The following PTPRG variants were observed in gnomAD, a reference collection of about 807,000 sequenced individuals.
The protein encoded by PTPRG is protein tyrosine phosphatase receptor type G, also known as receptor-type tyrosine-protein phosphatase gamma.
PTPRG carries 102 observed loss-of-function variants against 165.3 expected under a neutral mutation model. The ratio of observed to expected loss-of-function variants is 0.62; its 90% CI spans 0.53 to 0.73. The LOEUF (loss-of-function observed/expected upper bound fraction) is 0.73, where lower values mean the gene tolerates loss of function less well. Among genes scored for constraint, PTPRG ranks in the 30% least tolerant of loss-of-function variants. The pLI, the probability that PTPRG is intolerant of heterozygous loss-of-function variation, is 0.00. For synonymous variants in PTPRG, 675 were observed against 669.5 expected (o/e 1.01, Z -0.13); for missense variants, 1,866 against 1,861.4 (o/e 1.00, Z -0.05).
chr3:61,803,601 AT>A (rs895135527), intron 2 of PTPRG, among the ~76,000 whole-genome samples: 4 of 146,122 alleles, frequency 2.7e-5, no homozygotes, highest in East Asian at 1.9e-4. Context: ...TTGATGAGTT[AT>A]TTTTTCCCCC....
intron 4 of PTPRG, among the ~76,000 whole-genome samples, chr3:62,053,174 A>T (rs894985941): frequency 6.6e-6 from 1 of 151,848 alleles, no homozygotes; most frequent in Admixed American, 6.6e-5. Flanking sequence ...GGTTTAATAT[A>T]GACTGTATTT....
At chr3:62,156,305 C>G (rs969860641) in intron 6 of PTPRG, among the ~76,000 whole-genome samples, 2 of 152,164 alleles carry the variant, frequency 1.3e-5, no homozygotes, top group African/African-American at 4.8e-5. Flanking sequence ...CCTGGCTTTG[C>G]TTCTTAGGAG....
At chr3:62,291,182 T>G (rs894741892) in intron 28 of PTPRG, among the ~76,000 whole-genome samples, 3 of 152,148 alleles carry the variant, frequency 2.0e-5, no homozygotes, top group African/African-American at 7.2e-5. Flanking sequence ...AGATACAGTC[T>G]TCCACTCATC....
intron 5 of PTPRG, among the ~76,000 whole-genome samples, chr3:62,106,241 T>A (rs1702468537): frequency 6.6e-6 from 1 of 152,170 alleles, no homozygotes; most frequent in African/African-American, 2.4e-5. Flanking sequence ...GGGGAGGGCA[T>A]CACCAATTCA....
chr3:61,752,785 C>CAAAAAAAAAAAAAAAAAAAAAAAA (rs749817659), intron 2 of PTPRG, among the ~76,000 whole-genome samples: 27 of 69,960 alleles, frequency 3.9e-4, no homozygotes, highest in East Asian at 1.0e-3. Context: ...AAGACTGTCT[C>CAAAAAAAAAAAAAAAAAAAAAAAA]AAAAAAAAAA....
intron 2 of PTPRG, among the ~76,000 whole-genome samples, chr3:61,945,573 A>AAAAG (rs2039738793): frequency 6.6e-6 from 1 of 150,832 alleles, no homozygotes; most frequent in Non-Finnish European, 1.5e-5. Context: ...AAAAAAAAAA[A>AAAAG]AAAAAAAAAA....
chr3:61,884,821 C>G (rs971002586), intron 2 of PTPRG, among the ~76,000 whole-genome samples: 1 of 152,194 alleles, frequency 6.6e-6, no homozygotes, highest in Non-Finnish European at 1.5e-5. Flanking sequence ...AAGTTTTCCA[C>G]TTGCCATTAC....
intron 2 of PTPRG, 135 bp from the exon 3 acceptor site, chr3:61,989,490 T>C: frequency 2.6e-6 from 2 of 782,178 alleles, no homozygotes; most frequent in Non-Finnish European, 4.0e-6. Context: ...ATGGCTTTGA[T>C]TCATAGTTTT....
intron 2 of PTPRG, among the ~76,000 whole-genome samples, chr3:61,940,868 GT>G (rs1256632248): frequency 6.6e-6 from 1 of 152,022 alleles, no homozygotes; most frequent in Non-Finnish European, 1.5e-5. Flanking sequence ...GTTTCACCGT[GT>G]TAGCCAGGAT....
At position 62,041,539 on chromosome 3, in the gene PTPRG, A is replaced by G. The variant is rs144344892; in HGVS notation, c.520-36624A>G. Among the ~76,000 whole-genome samples the G allele has an allele frequency of 6.0e-4, 92 of 152,122 alleles. 1 individual carries two copies. The highest frequency in any genetic ancestry group is 2.2e-3 in the African/African-American group (90 of 41,484). The stretch of plus-strand genomic sequence containing the variant: ...TGCCGAACCTCTGCCTTCACATACA[A>G]CCTTCCACTCCTAATTCTGAATTTT... On this transcript the variant is annotated intron_variant, in intron 4 of 29. Coordinates refer to ENST00000474889, the MANE Select transcript of PTPRG (RefSeq NM_002841.4).
At chr3:61,676,471 A>AAAAAAAAAAAAACAAAAAAAG (rs369505317) in intron 1 of PTPRG, among the ~76,000 whole-genome samples, 1 of 99,022 alleles carries the variant, frequency 1.0e-5, no homozygotes, top group African/African-American at 2.9e-5. Context: ...AAAAAAAAAA[A>AAAAAAAAAAAAACAAAAAAAG]AAAGAAAATT....
At position 62,229,141 on chromosome 3, in the gene PTPRG, C is replaced by T. The variant is rs559105410; in HGVS notation, c.2289-2084C>T. ...TGCCTCAGAGGGTTTGAGTTTATGACGACACCCTGGTGTTAAACTATCTTG... is the reference window on the plus strand; with the variant it reads ...TGCCTCAGAGGGTTTGAGTTTATGATGACACCCTGGTGTTAAACTATCTTG... On this transcript the variant is annotated intron_variant, in intron 13 of 29. Coordinates refer to ENST00000474889, the MANE Select transcript of PTPRG (RefSeq NM_002841.4). The surrounding 1 kb of genome is among the most constrained non-coding windows in gnomAD (Gnocchi z 4.6). Among the ~76,000 whole-genome samples, 15 of 152,156 alleles carry T rather than the reference C, an allele frequency of 9.9e-5. No individual in the cohort carries two copies. Among genetic ancestry groups the T allele is most frequent in the African/African-American group, 2.2e-4 (9 of 41,522 alleles).
intron 1 of PTPRG, among the ~76,000 whole-genome samples, chr3:61,672,762 G>C (rs1235580653): frequency 7.5e-6 from 1 of 132,670 alleles, no homozygotes; most frequent in African/African-American, 3.0e-5. Context: ...GGGAGAGGGA[G>C]AAGAGGGAGA....
intron 14 of PTPRG, among the ~76,000 whole-genome samples, chr3:62,241,638 G>GA (rs908675009): frequency 3.7e-4 from 56 of 150,118 alleles, no homozygotes; most frequent in East Asian, 1.7e-3. Context: ...GTCTTGTAGG[G>GA]AAAAAAAAAT....
intron 2 of PTPRG, among the ~76,000 whole-genome samples, chr3:61,837,916 A>T (rs572863661): frequency 6.6e-6 from 1 of 152,190 alleles, no homozygotes; most frequent in Non-Finnish European, 1.5e-5. Flanking sequence ...GTGTCTTCAC[A>T]TGGCCTTCCC....
chr3:62,102,264 C>T (rs1331605658), intron 5 of PTPRG, among the ~76,000 whole-genome samples: 2 of 151,876 alleles, frequency 1.3e-5, no homozygotes, highest in Non-Finnish European at 2.9e-5. Flanking sequence ...TCCTTTCTTT[C>T]CTTTCTTCCC....
intron 3 of PTPRG, among the ~76,000 whole-genome samples, chr3:61,999,333 C>T (rs960875134): frequency 1.3e-5 from 2 of 152,248 alleles, no homozygotes; most frequent in Middle Eastern, 3.4e-3. Flanking sequence ...AAGCACAAGC[C>T]ACCGTGCCTG....
At chr3:62,134,916 A>G (rs1448376570) in intron 6 of PTPRG, among the ~76,000 whole-genome samples, 1 of 152,190 alleles carries the variant, frequency 6.6e-6, no homozygotes, top group Non-Finnish European at 1.5e-5. Context: ...AAGAAAAAGG[A>G]GTAGGAGTAT....
intron 2 of PTPRG, among the ~76,000 whole-genome samples, chr3:61,820,603 GTTTTTTTTT>G (rs11329820): frequency 1.1e-4 from 7 of 65,732 alleles, no homozygotes; most frequent in South Asian, 7.1e-4. Context: ...CTGTGTCTCT[GTTTTTTTTT>G]TTTTTTTTTT....
Sources: gnomAD v4.1 joint callset for allele counts (sites outside exome capture counted in the v4.1 genomes callset) on GRCh38, gnomAD v4.1.1 for gene constraint, Gnocchi (gnomAD v3.1) non-coding constraint, MANE v1.5 for transcripts, NCBI Gene and HGNC (gene_info 2026-07-23, HGNC 2026-07-21) for gene names.